GEMIN5: variants seen among roughly 807,000 people sequenced by gnomAD.
GEMIN5 encodes gem nuclear organelle associated protein 5, also known as gem-associated protein 5.
In GEMIN5, 124 loss-of-function variants were observed where a neutral mutation model predicts 176.9. The observed-to-expected ratio is 0.70, with a 90% CI of 0.61 to 0.81. The LOEUF is 0.81. Among genes scored for constraint, GEMIN5 ranks in the 40% least tolerant of loss-of-function variants. The probability of loss-of-function intolerance (pLI) is 0.00; values close to 1 mark genes in which losing one functional copy is unlikely to be tolerated. For missense variants in GEMIN5, 1,843 were observed against 1,814.6 expected, an observed-to-expected ratio of 1.02 and a Z score of -0.28; for synonymous variants, 673 against 665.2, an observed-to-expected ratio of 1.01 and a Z score of -0.18.
chr5:154,924,651 G>A, intron 8 of GEMIN5, 97 bp from the exon 9 acceptor site: 2 of 758,712 alleles, frequency 2.6e-6, no homozygotes, highest in South Asian at 3.3e-5. Context: ...AGGGAAAACT[G>A]TCTTGCTCTG....
intron 9 of GEMIN5, 48 bp from the exon 10 acceptor site, chr5:154,921,473 G>C (rs986324844): frequency 2.4e-6 from 2 of 840,274 alleles, no homozygotes; most frequent in Admixed American, 2.4e-5. Flanking sequence ...AAACAAAAAG[G>C]CATAATGAAA....
chr5:154,926,096 G>C lies in GEMIN5; in HGVS notation c.1081-22C>G, dbSNP rs750222693. 3.0e-5 allele frequency: 44 copies of C among 1,473,466 alleles called. No individual in the cohort carries two copies. In the African/African-American group the frequency reaches 5.6e-4, roughly 19 times the overall value. The allele number at this position is 1,473,466 out of a possible 1,614,324, so 91.3% of individuals were successfully genotyped here. ...TTACCTGCAAAGATTAACGGTAAGG[G>C]CCTAAACATAAAAAAGAACAGAGAA... On this transcript the variant is annotated intron_variant, in intron 7 of 27. Transcript: ENST00000285873.
At chr5:154,932,279 A>T in intron 3 of GEMIN5, 29 bp from the exon 4 acceptor site, 1 of 1,531,534 alleles carries the variant, frequency 6.5e-7, no homozygotes, top group Non-Finnish European at 9.0e-7. Context: ...AAATATTACT[A>T]AAAAAATGAA....
intron 11 of GEMIN5, among the ~76,000 whole-genome samples, chr5:154,918,251 C>T (rs954398586): frequency 6.6e-6 from 1 of 152,132 alleles, no homozygotes; most frequent in Admixed American, 6.5e-5. Context: ...GTTTACAGTG[C>T]TTAACCTTGT....
chr5:154,917,204 A>G (rs1169630748), intron 12 of GEMIN5, 25 bp from the exon 13 acceptor site: 4 of 1,313,944 alleles, frequency 3.0e-6, no homozygotes, highest in Non-Finnish European at 4.1e-6. Context: ...ACATCAAAAC[A>G]AGAAAGATGG....
At chr5:154,899,891 A>T (rs1338952249) in intron 21 of GEMIN5, among the ~76,000 whole-genome samples, 1 of 152,142 alleles carries the variant, frequency 6.6e-6, no homozygotes, top group African/African-American at 2.4e-5. Context: ...AACAAATTAC[A>T]AGCTAAACTG....
intron 6 of GEMIN5, among the ~76,000 whole-genome samples, chr5:154,928,125 C>A (rs564005115): frequency 1.3e-5 from 2 of 152,296 alleles, no homozygotes; most frequent in African/African-American, 4.8e-5. Context: ...GATTTATCTC[C>A]AGCCACTAGA....
chr5:154,909,876 G>C lies in GEMIN5; in HGVS notation c.2167+1851C>G, dbSNP rs182821841. 1.5e-4 allele frequency among the ~76,000 whole-genome samples: 23 copies of C among 152,150 alleles called. No individual in the cohort carries two copies. In the East Asian group the frequency reaches 4.3e-3, roughly 28 times the overall value. Reference sequence around the variant, plus strand: ...CACCTATAGTCACAGCTACTCAAAAGGCTGAGGCAGGAGAATTGTTTGAAC... The same window carrying C: ...CACCTATAGTCACAGCTACTCAAAACGCTGAGGCAGGAGAATTGTTTGAAC... On this transcript the variant is annotated intron_variant, in intron 15 of 27. Transcript: ENST00000285873.
intron 8 of GEMIN5, among the ~76,000 whole-genome samples, 171 bp from the exon 9 acceptor site, chr5:154,924,725 C>T (rs954523778): frequency 6.6e-5 from 10 of 152,110 alleles, no homozygotes; most frequent in African/African-American, 1.9e-4. Context: ...CGCAGTGGCT[C>T]ACGCCTGTAA....
At chr5:154,903,653 C>G (rs529747002) in intron 18 of GEMIN5, among the ~76,000 whole-genome samples, 58 of 152,052 alleles carry the variant, frequency 3.8e-4, no homozygotes, top group African/African-American at 1.3e-3. Flanking sequence ...TTTGATTATG[C>G]AATACAGACA....
chr5:154,922,417 T>C (rs1582670118), intron 9 of GEMIN5, among the ~76,000 whole-genome samples: 1 of 152,086 alleles, frequency 6.6e-6, no homozygotes, highest in Non-Finnish European at 1.5e-5. Flanking sequence ...TCTGCCCGCG[T>C]CGGCCTCCCA....
chr5:154,895,737 A>T (rs1763334502), intron 24 of GEMIN5, among the ~76,000 whole-genome samples: 1 of 152,258 alleles, frequency 6.6e-6, no homozygotes, highest in Non-Finnish European at 1.5e-5. Context: ...AGAAAAGGAA[A>T]TAGTGGCTGG....
chr5:154,909,133 ATTTTTTT>A (rs70981958), intron 15 of GEMIN5, among the ~76,000 whole-genome samples: 3 of 99,732 alleles, frequency 3.0e-5, no homozygotes, highest in East Asian at 2.8e-4. Context: ...TAATTTTTGT[ATTTTTTT>A]TTTTTTTTTT....
rs907927820 is a variant in GEMIN5, at chr5:154,898,573, G to A, written c.3212C>T (p.Ala1071Val). The change falls in exon 23 of 28, where the codon GCT becomes GTT. Residue 1071 changes from alanine (A) to valine (V), a missense_variant. Ala to Val is a moderately conservative substitution (Grantham distance 64, BLOSUM62 0). Coordinates refer to ENST00000285873, the MANE Select transcript of GEMIN5 (RefSeq NM_015465.5). ...TCCTACGATGGCAGCCAACTCTGCA[G>A]CCGTTCTAAGTGATGCCGCATCCCC... ...KKGDAASLRT[A>V]AELAAIVGED... The A allele has an allele frequency of 6.2e-7, 1 of 1,614,170 alleles. No homozygotes were observed. The highest frequency in any genetic ancestry group is 1.7e-5 in the Admixed American group (1 of 60,014).
chr5:154,902,769 G>T, intron 19 of GEMIN5, 93 bp from the exon 20 acceptor site: 1 of 1,312,086 alleles, frequency 7.6e-7, no homozygotes, highest in Non-Finnish European at 1.1e-6. Flanking sequence ...GAGAAAGTGA[G>T]CTCCTAAAAT....
At chr5:154,898,395 G>A (rs1269689953) in intron 23 of GEMIN5, 45 bp downstream of exon 23, 6 of 1,506,628 alleles carry the variant, frequency 4.0e-6, no homozygotes, top group Non-Finnish European at 4.6e-6. Context: ...AAAGGATTTG[G>A]GACACTTCCC....
intron 9 of GEMIN5, among the ~76,000 whole-genome samples, chr5:154,923,047 T>C (rs1222339189): frequency 6.6e-6 from 1 of 152,166 alleles, no homozygotes; most frequent in Non-Finnish European, 1.5e-5. Flanking sequence ...GTCAACTGCA[T>C]GTAGGTTCTA....
intron 5 of GEMIN5, among the ~76,000 whole-genome samples, chr5:154,929,585 T>C (rs1293775145): frequency 6.6e-6 from 1 of 152,210 alleles, no homozygotes; most frequent in East Asian, 1.9e-4. Flanking sequence ...CCTACATTTT[T>C]CCAAAGACTC....
Position 154,904,581 on chromosome 5 carries a change from G to A in GEMIN5, c.2558C>T (p.Thr853Ile). Residue 853 changes from threonine to isoleucine, a missense_variant, in exon 18 of 28, where the codon ACA becomes ATA. Transcript: ENST00000285873. The part of the protein sequence containing the change: ...RKARSLLPLS[T>I]SLDHRSKEEL... ...CTCTTTGGATCTGTGGTCCAGGCTTGTACTCAGGGGAAGCAAGGAACGAGC... is the reference window on the plus strand; with the variant it reads ...CTCTTTGGATCTGTGGTCCAGGCTTATACTCAGGGGAAGCAAGGAACGAGC... 6.2e-7 allele frequency: 1 copy of A among 1,612,032 alleles called. No individual in the cohort carries two copies. Among genetic ancestry groups the A allele is most frequent in the Non-Finnish European group, 8.5e-7 (1 of 1,178,130 alleles).
Sources: gnomAD v4.1 joint callset for allele counts (sites outside exome capture counted in the v4.1 genomes callset) on GRCh38, gnomAD v4.1.1 for gene constraint, MANE v1.5 for transcripts, NCBI Gene and HGNC (gene_info 2026-07-23, HGNC 2026-07-21) for gene names.